The following ZNF197 variants were observed in gnomAD, a reference collection of about 807,000 sequenced individuals.
ZNF197 encodes the protein VHL-associated KRAB-A domain-containing protein.
Under a neutral mutation model 27.4 loss-of-function variants are expected in ZNF197, and 14 were observed. That is an observed-to-expected ratio of 0.51 (90% confidence interval 0.34 to 0.80). The LOEUF is 0.80. ZNF197 is among the 30% of genes least tolerant of loss of function. The pLI is 0.02. For missense variants in ZNF197, 1,090 were observed against 1,222.6 expected, an observed-to-expected ratio of 0.89 and a Z score of 1.62; for synonymous variants, 415 against 420.0, an observed-to-expected ratio of 0.99 and a Z score of 0.15.
chr3:44,642,822 C>T lies in ZNF197; in HGVS notation c.1692C>T (p.Asn564=), dbSNP rs776517137. 6.2e-7 allele frequency: 1 copy of T among 1,614,004 alleles called. No individual in the cohort carries two copies. Among genetic ancestry groups the T allele is most frequent in the Non-Finnish European group, 8.5e-7 (1 of 1,180,020 alleles). Residue 564 remains asparagine (N), a synonymous_variant, in exon 6 of 6, where the codon AAC becomes AAT. Transcript: ENST00000344387. ...ATCAGCGACTCCACAGTGCAGAGAACCCTTACAAGTGTAAAGAATGTGGAA... is the reference window on the plus strand; with the variant it reads ...ATCAGCGACTCCACAGTGCAGAGAATCCTTACAAGTGTAAAGAATGTGGAA... The part of the protein sequence containing the change: ...IDHQRLHSAE[N]PYKCKECGKV...
In ZNF197 at chr3:44,640,629, C is replaced by T. The variant is rs1019212256; in HGVS notation, c.770-1271C>T. 1.3e-5 allele frequency among the ~76,000 whole-genome samples: 2 copies of T among 152,198 alleles called. No individual in the cohort carries two copies. The highest frequency in any genetic ancestry group is 2.9e-5 in the Non-Finnish European group (2 of 68,032). ...CTGACCTCAAGTGATCCGCCCTCCT[C>T]AGCCTCCCAGAGTGCTGGAATTACA... On this transcript the variant is annotated intron_variant, in intron 5 of 5. Transcript: ENST00000344387. This position sits in a 1 kb window ranked among gnomAD's most constrained non-coding sequence, Gnocchi z 4.0.
chr3:44,644,537 C>A lies in ZNF197; in HGVS notation c.*317C>A. 1.2e-6 allele frequency: 1 copy of A among 864,896 alleles called. No individual in the cohort carries two copies. 53.6% of individuals were successfully genotyped at this position (864,896 alleles called of 1,614,324 possible). A position where few individuals can be genotyped will look rare whatever the true frequency, so the allele number is the denominator to read the frequency against. On this transcript the variant is annotated 3_prime_UTR_variant, in exon 6 of 6. Transcript: ENST00000344387. ...CCGGTAATCCCAGCTACTCAGGAGGCTGAGACAGGAGAGTCGCTTGAACCT... is the reference window on the plus strand; with the variant it reads ...CCGGTAATCCCAGCTACTCAGGAGGATGAGACAGGAGAGTCGCTTGAACCT...
Position 44,645,845 on chromosome 3 carries a change from C to T in ZNF197, c.*1625C>T, listed in dbSNP as rs1365230612. On this transcript the variant is annotated 3_prime_UTR_variant, in exon 6 of 6. Coordinates refer to ENST00000344387, the MANE Select transcript of ZNF197 (RefSeq NM_006991.5). ...CTTGTGGGCAGTCAGTGCCCATTAC[C>T]CCCTGTGAACCATTCTGTGCCCTTG... 5.1e-6 allele frequency: 5 copies of T among 985,264 alleles called. No individual in the cohort carries two copies. In the East Asian group the frequency reaches 5.7e-4, roughly 112 times the overall value. 61.0% of individuals were successfully genotyped at this position (985,264 alleles called of 1,614,324 possible).
chr3:44,637,378 T>C (rs942031597), intron 5 of ZNF197, among the ~76,000 whole-genome samples: 2 of 152,206 alleles, frequency 1.3e-5, no homozygotes, highest in Admixed American at 6.5e-5. Context: ...TCTTCCTGCC[T>C]CAGCCTCCCC....
At chr3:44,635,576 C>T (rs1481890734) in intron 5 of ZNF197, among the ~76,000 whole-genome samples, 1 of 152,162 alleles carries the variant, frequency 6.6e-6, no homozygotes, top group Non-Finnish European at 1.5e-5. Context: ...GAAAAGTAGA[C>T]TCCCAGATAA....
rs768256968 is a variant in ZNF197, at chr3:44,641,865, G to A, written c.770-35G>A. Reference sequence around the variant, plus strand: ...ATCCTGTTCTTCCAAACACAGGGACGTGGTAACATTTGCATTTTTAATTCC... The same window carrying A: ...ATCCTGTTCTTCCAAACACAGGGACATGGTAACATTTGCATTTTTAATTCC... On this transcript the variant is annotated intron_variant, in intron 5 of 5. Coordinates refer to ENST00000344387, the MANE Select transcript of ZNF197 (RefSeq NM_006991.5). The A allele has an allele frequency of 9.8e-6, 15 of 1,526,638 alleles. No homozygotes were observed. In the Middle Eastern group the frequency reaches 7.1e-4, roughly 72 times the overall value. 94.6% of individuals were successfully genotyped at this position (1,526,638 alleles called of 1,614,324 possible).
At chr3:44,627,161 GA>G (rs1462949330) in intron 1 of ZNF197, among the ~76,000 whole-genome samples, 1 of 152,146 alleles carries the variant, frequency 6.6e-6, no homozygotes, top group East Asian at 1.9e-4. Flanking sequence ...AGCTAACGGA[GA>G]AGGAAACTTT....
chr3:44,629,687 G>A, intron 2 of ZNF197, 143 bp downstream of exon 2: 3 of 1,136,474 alleles, frequency 2.6e-6, no homozygotes, highest in Non-Finnish European at 3.6e-6. Context: ...AATTAAAGCA[G>A]GTCCATGAGT....
intron 3 of ZNF197, 29 bp downstream of exon 3, chr3:44,631,250 C>T: frequency 6.2e-7 from 1 of 1,612,776 alleles, no homozygotes; most frequent in South Asian, 1.1e-5. Context: ...GGGTTTTGGG[C>T]TGTTCAAGGA....
rs1383087953 is a variant in ZNF197, at chr3:44,632,160, A to G, written c.606A>G (p.Gln202=). 2.5e-6 allele frequency: 4 copies of G among 1,614,048 alleles called. No homozygotes were observed. Among genetic ancestry groups the G allele is most frequent in the East Asian group, 2.2e-5 (1 of 44,894 alleles). The part of the protein sequence containing the change: ...ALSQEENPRN[Q]LMALMLLTAQ... ...CCCAGGAAGAGAACCCAAGAAATCA[A>G]TTAATGGCACTTATGCTCCTAACAG... Residue 202 remains glutamine (Q), a synonymous_variant, in exon 4 of 6, where the codon CAA becomes CAG. Transcript: ENST00000344387.
At chr3:44,625,263 T>G (rs1701578134) in intron 1 of ZNF197, 120 bp downstream of exon 1, 1 of 152,450 alleles carries the variant, frequency 6.6e-6, no homozygotes, top group South Asian at 2.1e-4. Flanking sequence ...ACCCCCGGCA[T>G]GGTCCGTCGC....
intron 5 of ZNF197, among the ~76,000 whole-genome samples, chr3:44,639,104 G>A (rs544844416): frequency 5.9e-4 from 89 of 152,126 alleles, no homozygotes; most frequent in African/African-American, 2.0e-3. Context: ...TTTTCATTTC[G>A]TTGATATGGT....
chr3:44,632,339 G>T (rs1702060853), intron 4 of ZNF197, 134 bp from the exon 5 acceptor site: 17 of 1,482,838 alleles, frequency 1.1e-5, no homozygotes, highest in Non-Finnish European at 1.6e-5. Flanking sequence ...CTTTACATGT[G>T]ATCTCCTTAT....
chr3:44,637,829 C>T (rs1702383632), intron 5 of ZNF197, among the ~76,000 whole-genome samples: 1 of 152,112 alleles, frequency 6.6e-6, no homozygotes, highest in African/African-American at 2.4e-5. Context: ...TATGTCTACC[C>T]TTATGTCAGT....
chr3:44,634,456 AT>A (rs575629689), intron 5 of ZNF197, among the ~76,000 whole-genome samples: 30 of 144,020 alleles, frequency 2.1e-4, no homozygotes, highest in South Asian at 2.2e-4. Flanking sequence ...CCTGTATTCT[AT>A]TTTTTTTTTT....
chr3:44,645,638 C>T lies in ZNF197; in HGVS notation c.*1418C>T, dbSNP rs1013840649. ...ATTCAGAGGGAAAAAAATCCTTGAC[C>T]CGCAGTTGAGCTGATGATCCCTGCC... is the stretch of plus-strand genomic sequence containing the variant. On this transcript the variant is annotated 3_prime_UTR_variant, in exon 6 of 6. Transcript: ENST00000344387. The T allele has an allele frequency of 1.0e-6, 1 of 985,232 alleles. No homozygotes were observed. Among genetic ancestry groups the T allele is most frequent in the Admixed American group, 6.2e-5 (1 of 16,252 alleles). The allele number at this position is 985,232 out of a possible 1,614,324, so 61.0% of individuals were successfully genotyped here.
chr3:44,629,712 A>G (rs1177372495), intron 2 of ZNF197, among the ~76,000 whole-genome samples, 168 bp downstream of exon 2: 1 of 152,214 alleles, frequency 6.6e-6, no homozygotes, highest in East Asian at 1.9e-4. Context: ...AGACCATAGA[A>G]TATGTCTGTA....
rs1702940720 is a variant in ZNF197 at position 44,646,089 on chromosome 3, C to T, written c.*1869C>T. On this transcript the variant is annotated 3_prime_UTR_variant, in exon 6 of 6. Coordinates refer to ENST00000344387, the MANE Select transcript of ZNF197 (RefSeq NM_006991.5). ...GGTTCCTCATTAGAGTGAAAGGTAG[C>T]CAAGAGTGAAAACTGGAAGGGGCCT... 1.0e-6 allele frequency: 1 copy of T among 985,078 alleles called. No individual in the cohort carries two copies. Among genetic ancestry groups the T allele is most frequent in the African/African-American group, 1.8e-5 (1 of 57,118 alleles). 61.0% of individuals were successfully genotyped at this position (985,078 alleles called of 1,614,324 possible). A position where few individuals can be genotyped will look rare whatever the true frequency, so the allele number is the denominator to read the frequency against.
At chr3:44,637,257 T>A (rs1702349576) in intron 5 of ZNF197, among the ~76,000 whole-genome samples, 1 of 152,050 alleles carries the variant, frequency 6.6e-6, no homozygotes, top group African/African-American at 2.4e-5. Context: ...GCCTCCCAAG[T>A]GGCTGGGATT....
Sources: gnomAD v4.1 joint callset for allele counts (sites outside exome capture counted in the v4.1 genomes callset) on GRCh38, gnomAD v4.1.1 for gene constraint, Gnocchi (gnomAD v3.1) non-coding constraint, MANE v1.5 for transcripts, NCBI Gene and HGNC (gene_info 2026-07-23, HGNC 2026-07-21) for gene names.